RNGTT: variants seen among roughly 807,000 people sequenced by gnomAD.
The protein encoded by RNGTT is RNA guanylyltransferase and 5'-phosphatase.
In RNGTT, 33 loss-of-function variants were observed where a neutral mutation model predicts 79.3. That is an observed-to-expected ratio of 0.42 (90% CI 0.32 to 0.56). The LOEUF (loss-of-function observed/expected upper bound fraction) is 0.56. RNGTT is among the 20% of genes least tolerant of loss of function. The pLI is 0.17. For synonymous variants in RNGTT, 222 were observed against 235.9 expected, an observed-to-expected ratio of 0.94 and a Z score of 0.54; for missense variants, 497 against 739.1, an observed-to-expected ratio of 0.67 and a Z score of 3.80.
chr6:88,785,528 C>G (rs766035460), intron 12 of RNGTT, among the ~76,000 whole-genome samples: 10 of 151,980 alleles, frequency 6.6e-5, no homozygotes, highest in African/African-American at 2.2e-4. Context: ...TCTTTCTTGG[C>G]ACTTTGCTAT....
At chr6:88,676,381 A>G (rs937928765) in intron 14 of RNGTT, among the ~76,000 whole-genome samples, 2 of 151,990 alleles carry the variant, frequency 1.3e-5, no homozygotes, top group African/African-American at 4.8e-5. Context: ...GAAAAAAAAG[A>G]TGACAAAAAA....
chr6:88,763,898 G>A (rs1778355436), intron 13 of RNGTT, among the ~76,000 whole-genome samples: 1 of 152,180 alleles, frequency 6.6e-6, no homozygotes, highest in Non-Finnish European at 1.5e-5. Flanking sequence ...ATTGACCAAG[G>A]AACCTGTTAG....
intron 12 of RNGTT, among the ~76,000 whole-genome samples, chr6:88,771,315 G>GTGTGTATATATATATATA (rs1303688973): frequency 3.7e-4 from 23 of 62,050 alleles, no homozygotes; most frequent in African/African-American, 1.1e-3. Flanking sequence ...GTGTGTGTGT[G>GTGTGTATATATATATATA]TATATATATA....
intron 11 of RNGTT, among the ~76,000 whole-genome samples, chr6:88,822,142 A>G (rs955344934): frequency 2.6e-5 from 4 of 152,150 alleles, no homozygotes; most frequent in African/African-American, 9.7e-5. Context: ...TAGAAAATCC[A>G]TATTTTTTCC....
intron 11 of RNGTT, among the ~76,000 whole-genome samples, chr6:88,808,778 T>G (rs181773626): frequency 1.3e-5 from 2 of 152,040 alleles, no homozygotes; most frequent in African/African-American, 4.8e-5. Context: ...AGGTTTATCA[T>G]AGTCAAAACC....
chr6:88,790,344 C>G (rs1433058190), intron 12 of RNGTT, among the ~76,000 whole-genome samples: 5 of 152,164 alleles, frequency 3.3e-5, no homozygotes, highest in Admixed American at 6.5e-5. Context: ...CACTAAACCT[C>G]TAGCTTCTCT....
intron 13 of RNGTT, among the ~76,000 whole-genome samples, chr6:88,734,522 CAG>C (rs1384019553): frequency 1.3e-5 from 2 of 152,024 alleles, no homozygotes; most frequent in Non-Finnish European, 2.9e-5. Flanking sequence ...AATTAAAAAA[CAG>C]AGACTGTCAG....
chr6:88,942,719 C>T (rs895766991), intron 1 of RNGTT, among the ~76,000 whole-genome samples: 2 of 152,134 alleles, frequency 1.3e-5, no homozygotes, highest in Non-Finnish European at 2.9e-5. Flanking sequence ...TAAGTGAAGT[C>T]TTAACATCTG....
At chr6:88,940,687 G>C (rs981088583) in intron 2 of RNGTT, among the ~76,000 whole-genome samples, 1 of 152,146 alleles carries the variant, frequency 6.6e-6, no homozygotes, top group Non-Finnish European at 1.5e-5. Flanking sequence ...GAGAGAGTTT[G>C]ACCATAAAGA....
At chr6:88,751,822 G>A (rs1777850026) in intron 13 of RNGTT, among the ~76,000 whole-genome samples, 1 of 151,908 alleles carries the variant, frequency 6.6e-6, no homozygotes. Context: ...TTTAAACAGA[G>A]GTCATAGATA....
intron 10 of RNGTT, among the ~76,000 whole-genome samples, chr6:88,849,542 A>T (rs1322259322): frequency 6.6e-6 from 1 of 151,972 alleles, no homozygotes; most frequent in Non-Finnish European, 1.5e-5. Context: ...ACTCACTTGC[A>T]AGTTAAAGAA....
intron 13 of RNGTT, among the ~76,000 whole-genome samples, chr6:88,690,554 T>A (rs1775442125): frequency 6.6e-6 from 1 of 152,018 alleles, no homozygotes; most frequent in Non-Finnish European, 1.5e-5. Context: ...AATGATTTTT[T>A]TTTTTAAGTT....
intron 8 of RNGTT, among the ~76,000 whole-genome samples, chr6:88,875,929 C>A (rs916226093): frequency 6.6e-6 from 1 of 152,144 alleles, no homozygotes; most frequent in African/African-American, 2.4e-5. Context: ...AGTGAAACTA[C>A]CCCAAATTGC....
At chr6:88,881,333 C>A (rs1782689948) in intron 8 of RNGTT, among the ~76,000 whole-genome samples, 1 of 152,086 alleles carries the variant, frequency 6.6e-6, no homozygotes, top group African/African-American at 2.4e-5. Flanking sequence ...TGTTATATTT[C>A]AATACACCTT....
intron 14 of RNGTT, among the ~76,000 whole-genome samples, chr6:88,624,953 A>G (rs1177393165): frequency 6.6e-6 from 1 of 151,972 alleles, no homozygotes; most frequent in Non-Finnish European, 1.5e-5. Context: ...TAGATGACAA[A>G]TAAGCAAATA....
intron 1 of RNGTT, among the ~76,000 whole-genome samples, chr6:88,962,049 A>G (rs1038403827): frequency 1.3e-5 from 2 of 152,162 alleles, no homozygotes; most frequent in Non-Finnish European, 2.9e-5. Context: ...AAAGCCACAC[A>G]CACTTCCTTC....
chr6:88,612,826 C>T lies in RNGTT; in HGVS notation c.1687G>A (p.Asp563Asn), dbSNP rs1009818547. ...VTKEMLFEFI[D>N]RCTAASQGQK... ...CCTTGAGAAGCTGCAGTACATCTGTCGATGAACTCAAACAGCATCTCCTTG... is the reference window on the plus strand; with the variant it reads ...CCTTGAGAAGCTGCAGTACATCTGTTGATGAACTCAAACAGCATCTCCTTG... The change falls in exon 16 of 16, where the codon GAC becomes AAC. Residue 563 changes from aspartate to asparagine, a missense_variant. Physicochemically the swap from Asp to Asn is conservative, Grantham distance 23. Transcript: ENST00000369485. 6 of 1,613,488 alleles carry T rather than the reference C, an allele frequency of 3.7e-6. No homozygotes were observed. The highest frequency in any genetic ancestry group is 1.7e-5 in the Admixed American group (1 of 60,006).
At chr6:88,777,131 T>C (rs1475112766) in intron 12 of RNGTT, among the ~76,000 whole-genome samples, 1 of 152,208 alleles carries the variant, frequency 6.6e-6, no homozygotes, top group Non-Finnish European at 1.5e-5. Flanking sequence ...GTATTCTTGG[T>C]GCCCATGTCA....
At chr6:88,850,356 G>T (rs964367503) in intron 9 of RNGTT, among the ~76,000 whole-genome samples, 2 of 151,750 alleles carry the variant, frequency 1.3e-5, no homozygotes, top group African/African-American at 2.4e-5. Flanking sequence ...AAGGGAGTAT[G>T]AACAGATCAC....
Sources: gnomAD v4.1 joint callset for allele counts (sites outside exome capture counted in the v4.1 genomes callset) on GRCh38, gnomAD v4.1.1 for gene constraint, MANE v1.5 for transcripts, NCBI Gene and HGNC (gene_info 2026-07-23, HGNC 2026-07-21) for gene names.